The following PTGFR variants were observed in gnomAD, a reference collection of about 807,000 sequenced individuals.
The protein encoded by PTGFR is prostaglandin F receptor.
Under a neutral mutation model 26.2 loss-of-function variants are expected in PTGFR, and 15 were observed. The ratio of observed to expected loss-of-function variants is 0.57; its 90% confidence interval spans 0.38 to 0.88. PTGFR has a LOEUF of 0.88. PTGFR is among the 40% of genes least tolerant of loss of function. The pLI is 0.00. For synonymous variants in PTGFR, 165 were observed against 151.1 expected (o/e 1.09, Z -0.68); for missense variants, 369 against 427.2 (o/e 0.86, Z 1.20).
At chr1:78,517,047 T>C (rs1313083682) in intron 2 of PTGFR, among the ~76,000 whole-genome samples, 2 of 152,160 alleles carry the variant, frequency 1.3e-5, no homozygotes, top group African/African-American at 2.4e-5. Flanking sequence ...CCTAGGCATA[T>C]TTGCAGCTGC....
intron 2 of PTGFR, among the ~76,000 whole-genome samples, chr1:78,519,043 T>A (rs1338119849): frequency 6.6e-6 from 1 of 152,200 alleles, no homozygotes; most frequent in East Asian, 1.9e-4. Flanking sequence ...TTAGGTTTCC[T>A]AATTTGGCCC....
intron 2 of PTGFR, among the ~76,000 whole-genome samples, chr1:78,517,278 A>G (rs4261075): frequency 0.76 from 115,355 of 152,060 alleles, 44,302 homozygotes; most frequent in African/African-American, 0.89. Flanking sequence ...AGATGCTAGG[A>G]CAGTGGTGCT....
intron 2 of PTGFR, among the ~76,000 whole-genome samples, chr1:78,514,056 G>T (rs1350996085): frequency 6.6e-6 from 1 of 152,248 alleles, no homozygotes; most frequent in East Asian, 1.9e-4. Context: ...CCCACAGAGA[G>T]TCTCTTCTTG....
At position 78,533,313 on chromosome 1, in the gene PTGFR, A is replaced by AT. The variant is rs544773989; in HGVS notation, c.799-3087dup. 3.3e-5 allele frequency among the ~76,000 whole-genome samples: 5 copies of AT among 152,284 alleles called. No individual in the cohort carries two copies. In the South Asian group the frequency reaches 6.2e-4, roughly 19 times the overall value. ...AACTCATACAGCTCAAATGGAAAAGATTTTTTCCTGAGTAGTGCTGAGACT... is the reference window on the plus strand; with the variant it reads ...AACTCATACAGCTCAAATGGAAAAGATTTTTTTCCTGAGTAGTGCTGAGACT... On this transcript the variant is annotated intron_variant, in intron 2 of 2. Transcript: ENST00000370757.
intron 2 of PTGFR, among the ~76,000 whole-genome samples, chr1:78,521,031 A>C (rs1484670968): frequency 2.0e-5 from 3 of 152,042 alleles, no homozygotes; most frequent in African/African-American, 7.2e-5. Context: ...GTAGGATAGT[A>C]CAGCCACATG....
In PTGFR at chr1:78,525,360, A is replaced by G. The variant is rs61769140; in HGVS notation, c.799-11046A>G. Among the ~76,000 whole-genome samples, 430 of 152,126 alleles carry G rather than the reference A, an allele frequency of 2.8e-3. 1 individual carries two copies. Among genetic ancestry groups the G allele is most frequent in the South Asian group, 6.0e-3 (29 of 4,816 alleles). On this transcript the variant is annotated intron_variant, in intron 2 of 2. Coordinates refer to ENST00000370757, the MANE Select transcript of PTGFR (RefSeq NM_000959.4). ...CTCTTGAATTTGATGATTTACTAGAATGACTTGTAGAACTCAGAAAAGTAC... is the reference window on the plus strand; with the variant it reads ...CTCTTGAATTTGATGATTTACTAGAGTGACTTGTAGAACTCAGAAAAGTAC...
chr1:78,499,841 G>A (rs1481436018), intron 2 of PTGFR, among the ~76,000 whole-genome samples: 2 of 152,090 alleles, frequency 1.3e-5, no homozygotes, highest in South Asian at 2.1e-4. Flanking sequence ...ATTCCAAATG[G>A]TGCTTGGTGG....
At chr1:78,499,920 A>G (rs1182607011) in intron 2 of PTGFR, among the ~76,000 whole-genome samples, 1 of 152,234 alleles carries the variant, frequency 6.6e-6, no homozygotes, top group Non-Finnish European at 1.5e-5. Flanking sequence ...TGTTTATTGA[A>G]TGAATAAAAT....
At chr1:78,492,012 C>T (rs1220522727) in intron 1 of PTGFR, among the ~76,000 whole-genome samples, 1 of 152,176 alleles carries the variant, frequency 6.6e-6, no homozygotes, top group Non-Finnish European at 1.5e-5. Flanking sequence ...CCTTCCTCAT[C>T]GCGAATCAGA....
At chr1:78,512,536 G>C (rs1649998281) in intron 2 of PTGFR, among the ~76,000 whole-genome samples, 1 of 151,996 alleles carries the variant, frequency 6.6e-6, no homozygotes, top group Non-Finnish European at 1.5e-5. Context: ...CATGAACTCA[G>C]AGCAAGAAAT....
At chr1:78,521,703 G>C (rs141252940) in intron 2 of PTGFR, among the ~76,000 whole-genome samples, 1 of 151,804 alleles carries the variant, frequency 6.6e-6, no homozygotes, top group Non-Finnish European at 1.5e-5. Flanking sequence ...GTTTCTTATA[G>C]CATTGTCAAT....
rs148201483 is a variant in PTGFR at position 78,536,119 on chromosome 1, C to T, written c.799-287C>T. ...ACTATTCTCAGAAGTATGAGAAGGT[C>T]AGTTACTGGTATCAGTGTTTGTTCT... On this transcript the variant is annotated intron_variant, in intron 2 of 2. Coordinates refer to ENST00000370757, the MANE Select transcript of PTGFR (RefSeq NM_000959.4). Among the ~76,000 whole-genome samples the T allele has an allele frequency of 6.1e-3, 926 of 152,236 alleles. 4 individuals carry two copies. Among genetic ancestry groups the T allele is most frequent in the Middle Eastern group, 0.031 (9 of 294 alleles).
intron 2 of PTGFR, among the ~76,000 whole-genome samples, chr1:78,527,338 G>T (rs958013321): frequency 4.6e-5 from 7 of 152,062 alleles, no homozygotes; most frequent in Non-Finnish European, 1.0e-4. Context: ...ATGAATTTTA[G>T]ACAATGATTG....
At chr1:78,493,625 T>C in intron 2 of PTGFR, 84 bp downstream of exon 2, 7 of 1,312,804 alleles carry the variant, frequency 5.3e-6, no homozygotes, top group Non-Finnish European at 7.1e-6. Context: ...GTCTTTTAAA[T>C]GCTGAGAATG....
At chr1:78,511,205 T>C (rs1361887378) in intron 2 of PTGFR, among the ~76,000 whole-genome samples, 2 of 152,186 alleles carry the variant, frequency 1.3e-5, no homozygotes, top group African/African-American at 4.8e-5. Context: ...GGGGACTCTG[T>C]ATGGGGGCTC....
intron 2 of PTGFR, among the ~76,000 whole-genome samples, chr1:78,511,143 G>C (rs1649958687): frequency 6.6e-6 from 1 of 152,170 alleles, no homozygotes; most frequent in Non-Finnish European, 1.5e-5. Flanking sequence ...CCATTCCAGG[G>C]TCTGGAGGAT....
chr1:78,517,795 C>G (rs1316882776), intron 2 of PTGFR, among the ~76,000 whole-genome samples: 1 of 152,054 alleles, frequency 6.6e-6, no homozygotes, highest in Non-Finnish European at 1.5e-5. Context: ...AAGGTGTGAT[C>G]TAATGCATGA....
At chr1:78,513,480 C>G (rs1161776530) in intron 2 of PTGFR, among the ~76,000 whole-genome samples, 1 of 152,082 alleles carries the variant, frequency 6.6e-6, no homozygotes, top group Non-Finnish European at 1.5e-5. Flanking sequence ...AATCTCTAAG[C>G]AGCAAAGCAT....
chr1:78,531,615 T>G (rs1570300186), intron 2 of PTGFR, among the ~76,000 whole-genome samples: 1 of 152,166 alleles, frequency 6.6e-6, no homozygotes, highest in East Asian at 1.9e-4. Flanking sequence ...AAACAAAAGT[T>G]CATATAAGTT....
Sources: allele counts gnomAD v4.1 joint callset (sites outside exome capture counted in the v4.1 genomes callset), GRCh38; gene constraint gnomAD v4.1.1; transcripts MANE v1.5; gene names NCBI Gene and HGNC (gene_info 2026-07-23, HGNC 2026-07-21).